Variants in PLXDC2 observed in about 807,000 individuals in gnomAD.
PLXDC2 encodes plexin domain containing 2.
PLXDC2 carries 40 observed loss-of-function variants against 68.9 expected under a neutral mutation model. The ratio of observed to expected loss-of-function variants is 0.58; its 90% CI spans 0.45 to 0.76. The LOEUF (loss-of-function observed/expected upper bound fraction) is 0.76. Among genes scored for constraint, PLXDC2 ranks in the 30% least tolerant of loss-of-function variants. The probability of loss-of-function intolerance (pLI) is 0.00; values close to 1 mark genes in which losing one functional copy is unlikely to be tolerated. For synonymous variants in PLXDC2, 243 were observed against 234.2 expected, an observed-to-expected ratio of 1.04 and a Z score of -0.34; for missense variants, 644 against 661.9, an observed-to-expected ratio of 0.97 and a Z score of 0.30.
intron 1 of PLXDC2, among the ~76,000 whole-genome samples, chr10:19,873,491 G>T (rs1837580915): frequency 6.9e-6 from 1 of 143,996 alleles, no homozygotes; most frequent in Non-Finnish European, 1.5e-5. Context: ...GCTCAATGCA[G>T]CCTCAAACTC....
chr10:19,837,746 T>C (rs988688993), intron 1 of PLXDC2, among the ~76,000 whole-genome samples: 4 of 152,208 alleles, frequency 2.6e-5, no homozygotes, highest in African/African-American at 9.6e-5. Flanking sequence ...GTTCAGTTTG[T>C]AACTGAACTT....
At chr10:20,175,037 C>G (rs1023217806) in intron 7 of PLXDC2, among the ~76,000 whole-genome samples, 1 of 151,990 alleles carries the variant, frequency 6.6e-6, no homozygotes, top group Admixed American at 6.6e-5. Context: ...AGAAAAATTA[C>G]TAGAAGTTTG....
chr10:19,951,380 G>A (rs1833989262), intron 1 of PLXDC2, among the ~76,000 whole-genome samples: 1 of 151,844 alleles, frequency 6.6e-6, no homozygotes, highest in African/African-American at 2.4e-5. Context: ...ACACACATAG[G>A]TAGCCAACAA....
chr10:20,077,914 G>A (rs914134272), intron 4 of PLXDC2, among the ~76,000 whole-genome samples: 1 of 151,920 alleles, frequency 6.6e-6, no homozygotes, highest in African/African-American at 2.4e-5. Context: ...TTTCTCTCTT[G>A]TTCTTCTTCT....
chr10:20,012,050 G>T (rs960141994), intron 2 of PLXDC2, among the ~76,000 whole-genome samples: 2 of 152,136 alleles, frequency 1.3e-5, no homozygotes, highest in African/African-American at 4.8e-5. Context: ...AATGTCTCTT[G>T]TGTCTTTGTC....
At position 20,277,208 on chromosome 10, in the gene PLXDC2, CAAAAAAAAAAAAA is replaced by C. The variant is rs60978653; in HGVS notation, c.1474-2481_1474-2469del. ...TGGGTGACAGAGCGAGATTCCATCT[CAAAAAAAAAAAAA>C]AAAAAAAAAAAAAGAGTCCCATTCT... On this transcript the variant is annotated intron_variant, in intron 13 of 13. Transcript: ENST00000377252. Among the ~76,000 whole-genome samples, 49 of 67,952 alleles carry C rather than the reference CAAAAAAAAAAAAA, an allele frequency of 7.2e-4. 2 individuals carry two copies. The highest frequency in any genetic ancestry group is 2.6e-3 in the African/African-American group (44 of 17,214). The allele number at this position is 67,952 out of a possible 152,430, so 44.6% of individuals were successfully genotyped here.
intron 1 of PLXDC2, among the ~76,000 whole-genome samples, chr10:19,843,357 T>G (rs932948251): frequency 6.6e-6 from 1 of 152,228 alleles, no homozygotes; most frequent in African/African-American, 2.4e-5. Context: ...CTCATGTTCT[T>G]TATTTGTAAA....
rs61209373 is a variant in PLXDC2 at position 19,936,136 on chromosome 10, A to G, written c.113-65639A>G. ...GCATATAGAAAAATTACAAATTCCA[A>G]TTGTAAGCTTGATATATTTTCACTG... On this transcript the variant is annotated intron_variant, in intron 1 of 13. Coordinates refer to ENST00000377252, the MANE Select transcript of PLXDC2 (RefSeq NM_032812.9). Among the ~76,000 whole-genome samples the G allele has an allele frequency of 6.6e-5, 10 of 152,310 alleles. No individual in the cohort carries two copies. The South Asian group carries it at 1.2e-3, about 19-fold the overall frequency.
At chr10:19,842,933 G>T (rs182732987) in intron 1 of PLXDC2, among the ~76,000 whole-genome samples, 136 of 152,262 alleles carry the variant, frequency 8.9e-4, no homozygotes, top group Non-Finnish European at 1.7e-3. Context: ...AAAAAAAGCA[G>T]TGCACAGCTA....
At chr10:20,189,836 C>A (rs1443160680) in intron 9 of PLXDC2, among the ~76,000 whole-genome samples, 1 of 151,518 alleles carries the variant, frequency 6.6e-6, no homozygotes, top group Non-Finnish European at 1.5e-5. Flanking sequence ...TGGTCTCTGT[C>A]TTCTTTTGGC....
Position 19,987,572 on chromosome 10 carries a change from C to CT in PLXDC2, c.113-14196dup, listed in dbSNP as rs1422521874. Among the ~76,000 whole-genome samples the CT allele has an allele frequency of 3.6e-3, 516 of 142,796 alleles. 3 individuals are homozygous for CT. Among genetic ancestry groups the CT allele is most frequent in the African/African-American group, 0.012 (472 of 38,576 alleles). 93.7% of individuals were successfully genotyped at this position (142,796 alleles called of 152,430 possible). On this transcript the variant is annotated intron_variant, in intron 1 of 13. Coordinates refer to ENST00000377252, the MANE Select transcript of PLXDC2 (RefSeq NM_032812.9). The stretch of plus-strand genomic sequence containing the variant: ...ATTTGGTTTTGTTTTGTTTTTTTTT[C>CT]TTTTTTTGCGGCGGAATCTCGTTCT...
chr10:20,076,713 C>T (rs1310704115), intron 4 of PLXDC2, among the ~76,000 whole-genome samples: 1 of 152,120 alleles, frequency 6.6e-6, no homozygotes, highest in African/African-American at 2.4e-5. Context: ...GGAACCTAAT[C>T]CATTGTCATC....
intron 1 of PLXDC2, among the ~76,000 whole-genome samples, chr10:19,879,908 T>C (rs903013959): frequency 1.3e-5 from 2 of 152,154 alleles, no homozygotes; most frequent in Non-Finnish European, 2.9e-5. Flanking sequence ...GTTATGTTAT[T>C]GGAGGAGAAA....
chr10:20,109,095 A>G (rs944952277), intron 4 of PLXDC2, among the ~76,000 whole-genome samples: 1 of 152,220 alleles, frequency 6.6e-6, no homozygotes, highest in African/African-American at 2.4e-5. Flanking sequence ...ATTCATTGTT[A>G]TTTGAAATGC....
At chr10:19,970,914 A>T (rs2131611458) in intron 1 of PLXDC2, among the ~76,000 whole-genome samples, 1 of 152,250 alleles carries the variant, frequency 6.6e-6, no homozygotes, top group East Asian at 1.9e-4. Flanking sequence ...CTTCCGTGGG[A>T]GTCTCTCTCT....
At chr10:20,205,807 T>A (rs1477255585) in intron 9 of PLXDC2, among the ~76,000 whole-genome samples, 2 of 152,076 alleles carry the variant, frequency 1.3e-5, no homozygotes, top group African/African-American at 2.4e-5. Context: ...ATCTTACAGA[T>A]GAGGAAACAG....
chr10:20,126,797 CGTTATAT>C (rs1833795732), intron 4 of PLXDC2, among the ~76,000 whole-genome samples: 5 of 56,642 alleles, frequency 8.8e-5, no homozygotes, highest in Non-Finnish European at 1.2e-4. Context: ...ATAGAACACA[CGTTATAT>C]ATGTATATAT....
intron 4 of PLXDC2, among the ~76,000 whole-genome samples, chr10:20,130,186 A>C (rs1378765392): frequency 2.0e-5 from 3 of 151,616 alleles, no homozygotes; most frequent in African/African-American, 7.3e-5. Flanking sequence ...GATTTCTTTA[A>C]TTTTCTTTCA....
intron 1 of PLXDC2, among the ~76,000 whole-genome samples, chr10:19,885,709 C>G (rs1439244949): frequency 6.6e-6 from 1 of 151,960 alleles, no homozygotes; most frequent in African/African-American, 2.4e-5. Flanking sequence ...TTCCATTGAT[C>G]TATATCTCTG....
Sources: gnomAD v4.1 joint callset for allele counts (sites outside exome capture counted in the v4.1 genomes callset) on GRCh38, gnomAD v4.1.1 for gene constraint, MANE v1.5 for transcripts, NCBI Gene and HGNC (gene_info 2026-07-23, HGNC 2026-07-21) for gene names.